The following UNC13B variants were observed in gnomAD, a reference collection of about 807,000 sequenced individuals.
UNC13B encodes the protein protein unc-13 homolog B.
UNC13B carries 144 observed loss-of-function variants against 211.0 expected under a neutral mutation model. The ratio of observed to expected loss-of-function variants is 0.68; its 90% CI spans 0.60 to 0.78. UNC13B has a LOEUF of 0.78. Ranked by LOEUF, UNC13B falls within the 30% of genes least tolerant of loss-of-function variation. The pLI, the probability that UNC13B is intolerant of heterozygous loss-of-function variation, is 0.00. For missense variants in UNC13B, 1,777 were observed against 2,002.0 expected, an observed-to-expected ratio of 0.89 and a Z score of 2.14; for synonymous variants, 709 against 725.8, an observed-to-expected ratio of 0.98 and a Z score of 0.37.
intron 11 of UNC13B, among the ~76,000 whole-genome samples, chr9:35,364,794 G>A (rs1012404539): frequency 1.3e-5 from 2 of 152,298 alleles, no homozygotes; most frequent in South Asian, 2.1e-4. Flanking sequence ...AGCACACTGC[G>A]AGAATGTGTG....
intron 13 of UNC13B, among the ~76,000 whole-genome samples, chr9:35,371,662 A>G (rs1243223333): frequency 1.3e-5 from 2 of 151,710 alleles, no homozygotes; most frequent in Admixed American, 1.3e-4. Context: ...CCCATGAGCA[A>G]GTATCTAGTT....
chr9:35,256,695 C>G (rs1826898882), intron 6 of UNC13B, among the ~76,000 whole-genome samples: 1 of 152,088 alleles, frequency 6.6e-6, no homozygotes, highest in Non-Finnish European at 1.5e-5. Flanking sequence ...GCTATATGTA[C>G]ATTTATATGC....
At chr9:35,357,779 A>T (rs1833129013) in intron 11 of UNC13B, among the ~76,000 whole-genome samples, 1 of 152,156 alleles carries the variant, frequency 6.6e-6, no homozygotes, top group Admixed American at 6.6e-5. Context: ...AAAATGTGTT[A>T]TTTAAACCAT....
chr9:35,162,817 T>C (rs567350526), intron 1 of UNC13B, among the ~76,000 whole-genome samples: 1 of 152,336 alleles, frequency 6.6e-6, no homozygotes, highest in Admixed American at 6.5e-5. Flanking sequence ...CTAAGATTAT[T>C]CTTCTGTTCC....
In UNC13B at chr9:35,173,164, T is replaced by G. The variant is rs957997979; in HGVS notation, c.22+10859T>G. ...GTTGGACAGTGGGAAGATAATTGCT[T>G]TTATATAATTAGAGTTGGGGCAAAG... On this transcript the variant is annotated intron_variant, in intron 1 of 39. Coordinates refer to ENST00000635942, the MANE Select transcript of UNC13B (RefSeq NM_001371189.2). 3.3e-5 allele frequency among the ~76,000 whole-genome samples: 5 copies of G among 152,254 alleles called. No individual in the cohort carries two copies. The Middle Eastern group carries it at 0.017, about 518-fold the overall frequency.
intron 37 of UNC13B, 93 bp from the exon 38 acceptor site, chr9:35,403,074 T>C: frequency 9.3e-7 from 1 of 1,077,794 alleles, no homozygotes; most frequent in Middle Eastern, 2.2e-4. Flanking sequence ...TGATTGCTTC[T>C]TGCTTTTGGG....
chr9:35,225,284 C>G (rs907096561), intron 1 of UNC13B, among the ~76,000 whole-genome samples: 2 of 152,116 alleles, frequency 1.3e-5, no homozygotes, highest in Non-Finnish European at 2.9e-5. Flanking sequence ...CCCCAGCCCC[C>G]CGAGTAGCTA....
chr9:35,237,444 T>G (rs191678484), intron 4 of UNC13B, among the ~76,000 whole-genome samples: 9 of 152,252 alleles, frequency 5.9e-5, no homozygotes, highest in Admixed American at 5.9e-4. Context: ...GTACTTAGTT[T>G]TAGAGTATGG....
At chr9:35,282,425 T>C (rs1828550511) in intron 7 of UNC13B, among the ~76,000 whole-genome samples, 3 of 152,048 alleles carry the variant, frequency 2.0e-5, no homozygotes, top group Non-Finnish European at 4.4e-5. Flanking sequence ...CAATTTTTTT[T>C]GTTTGTTTTG....
At chr9:35,396,427 C>A in intron 26 of UNC13B, 49 bp from the exon 27 acceptor site, 1 of 1,610,832 alleles carries the variant, frequency 6.2e-7, no homozygotes. Flanking sequence ...GCTCAGGAAC[C>A]ATGGCCTCTA....
At chr9:35,243,825 G>T (rs1051263119) in intron 6 of UNC13B, among the ~76,000 whole-genome samples, 1 of 152,130 alleles carries the variant, frequency 6.6e-6, no homozygotes, top group Non-Finnish European at 1.5e-5. Context: ...TCAACCTGGG[G>T]CATCAGGATT....
intron 24 of UNC13B, among the ~76,000 whole-genome samples, chr9:35,389,521 G>C (rs1236100171): frequency 6.6e-6 from 1 of 152,192 alleles, no homozygotes; most frequent in Non-Finnish European, 1.5e-5. Flanking sequence ...TAAGGCTGGA[G>C]GGGCTGTTTC....
At chr9:35,390,065 G>C in intron 25 of UNC13B, 92 bp downstream of exon 25, 1 of 1,567,194 alleles carries the variant, frequency 6.4e-7, no homozygotes, top group Admixed American at 1.7e-5. Context: ...TATGTTTGCA[G>C]TGCCACCTCT....
chr9:35,267,453 T>C (rs536516329), intron 7 of UNC13B, among the ~76,000 whole-genome samples: 13 of 151,984 alleles, frequency 8.6e-5, no homozygotes, highest in African/African-American at 3.1e-4. Context: ...TTTTAAAAAT[T>C]ATTATGCTTT....
At chr9:35,398,755 A>G in intron 32 of UNC13B, 113 bp downstream of exon 32, 2 of 1,553,330 alleles carry the variant, frequency 1.3e-6, no homozygotes, top group African/African-American at 1.4e-5. Context: ...TCTTCCCTGT[A>G]CTCCTGCTGA....
rs565247524 is a variant in UNC13B at position 35,206,780 on chromosome 9, A to G, written c.23-21235A>G. Among the ~76,000 whole-genome samples, 8 of 151,328 alleles carry G rather than the reference A, an allele frequency of 5.3e-5. No homozygotes were observed. The South Asian group carries it at 1.7e-3, about 32-fold the overall frequency. ...TCCCAGCTACTCGGGAGGCTGAAGC[A>G]GGGGAATCACTTGAACTGAGGAGGC... On this transcript the variant is annotated intron_variant, in intron 1 of 39. Transcript: ENST00000635942.
rs1007780199 is a variant in UNC13B, at chr9:35,304,517, C to A, written c.5113C>A (p.Leu1705Ile). 1 of 398,614 alleles carries A rather than the reference C, an allele frequency of 2.5e-6. No individual in the cohort carries two copies. Among genetic ancestry groups the A allele is most frequent in the African/African-American group, 2.1e-5 (1 of 48,596 alleles). 24.7% of individuals were successfully genotyped at this position (398,614 alleles called of 1,614,324 possible). A position where few individuals can be genotyped will look rare whatever the true frequency, so the allele number is the denominator to read the frequency against. ...QIIERDKNQP[L>I]AEDSSVHLSS... ...TATAGAGAGAGATAAAAACCAGCCT[C>A]TAGCTGAAGATTCATCAGTTCACCT... The change falls in exon 9 of 40, where the codon CTA (leucine) becomes ATA (isoleucine). Residue 1705 changes from leucine (L) to isoleucine (I), a missense_variant. Transcript: ENST00000635942.
chr9:35,347,817 G>T (rs1399497111), intron 11 of UNC13B, among the ~76,000 whole-genome samples: 1 of 152,184 alleles, frequency 6.6e-6, no homozygotes, highest in Admixed American at 6.5e-5. Context: ...GTCTTCAGGA[G>T]GCCACAGGAA....
Position 35,250,957 on chromosome 9 carries a change from CTTTTTTTTTTT to C in UNC13B, c.468+7606_468+7616del, listed in dbSNP as rs35077779. 9.1e-5 allele frequency among the ~76,000 whole-genome samples: 7 copies of C among 77,082 alleles called. No homozygotes were observed. In the East Asian group the frequency reaches 2.3e-3, roughly 25 times the overall value. 50.6% of individuals were successfully genotyped at this position (77,082 alleles called of 152,430 possible). A position where few individuals can be genotyped will look rare whatever the true frequency, so the allele number is the denominator to read the frequency against. On this transcript the variant is annotated intron_variant, in intron 6 of 39. Transcript: ENST00000635942. ...ATGAAAAAATGTAGAGTTACTCTTC[CTTTTTTTTTTT>C]TTTTTTTTTTTTGAGAAGGAATCTC... is the stretch of plus-strand genomic sequence containing the variant.
Sources: gnomAD v4.1 joint callset for allele counts (sites outside exome capture counted in the v4.1 genomes callset) on GRCh38, gnomAD v4.1.1 for gene constraint, MANE v1.5 for transcripts, NCBI Gene and HGNC (gene_info 2026-07-23, HGNC 2026-07-21) for gene names.